Variants in AHCYL2 observed in about 807,000 individuals in gnomAD.
AHCYL2 encodes the protein S-adenosylhomocysteine hydrolase-like protein 2.
In AHCYL2, 28 loss-of-function variants were observed where a neutral mutation model predicts 81.4. That is an observed-to-expected ratio of 0.34 (90% CI 0.25 to 0.47). The LOEUF is 0.47. Among genes scored for constraint, AHCYL2 ranks in the 20% least tolerant of loss-of-function variants. AHCYL2 has a pLI of 1.00. For missense variants in AHCYL2, 551 were observed against 785.1 expected (o/e 0.70, Z 3.56); for synonymous variants, 272 against 290.2 (o/e 0.94, Z 0.64).
At chr7:129,269,036 G>A (rs1303248328) in intron 1 of AHCYL2, among the ~76,000 whole-genome samples, 1 of 151,712 alleles carries the variant, frequency 6.6e-6, no homozygotes, top group Non-Finnish European at 1.5e-5. Context: ...GCCTATTCTG[G>A]ACATTTCATA....
chr7:129,225,845 T>TC (rs1488477426), intron 1 of AHCYL2, among the ~76,000 whole-genome samples: 2 of 152,118 alleles, frequency 1.3e-5, no homozygotes, highest in African/African-American at 4.8e-5. Flanking sequence ...GATGAAAAGA[T>TC]CTTTAATACT....
chr7:129,412,904 T>C (rs1277743277), intron 11 of AHCYL2, among the ~76,000 whole-genome samples: 3 of 152,236 alleles, frequency 2.0e-5, no homozygotes, highest in East Asian at 3.9e-4. Context: ...AGTGATGCAG[T>C]CACAGCTCAC....
At chr7:129,273,804 A>T (rs979690083) in intron 1 of AHCYL2, among the ~76,000 whole-genome samples, 1 of 152,178 alleles carries the variant, frequency 6.6e-6, no homozygotes, top group African/African-American at 2.4e-5. Context: ...GAAAAGGTGG[A>T]TGTGGCTTTT....
chr7:129,410,407 A>G (rs1168905051), intron 11 of AHCYL2: 10 of 1,591,400 alleles, frequency 6.3e-6, no homozygotes, highest in Non-Finnish European at 8.6e-6. Context: ...CCAGTGAACT[A>G]TTAGCAATTC....
chr7:129,231,691 A>T (rs2718115), intron 1 of AHCYL2, among the ~76,000 whole-genome samples: 1 of 152,022 alleles, frequency 6.6e-6, no homozygotes, highest in African/African-American at 2.4e-5. Context: ...TCAGATTTCT[A>T]TGGAATTTGT....
intron 2 of AHCYL2, among the ~76,000 whole-genome samples, chr7:129,381,486 TTTTTATAAGTCAAAAA>T (rs955797492): frequency 2.0e-5 from 3 of 152,220 alleles, no homozygotes; most frequent in Non-Finnish European, 2.9e-5. Context: ...GAAATTATCA[TTTTTATAAGTCAAAAA>T]TTGTCTACCT....
intron 1 of AHCYL2, among the ~76,000 whole-genome samples, chr7:129,233,247 C>T (rs1563159867): frequency 6.6e-6 from 1 of 152,064 alleles, no homozygotes; most frequent in South Asian, 2.1e-4. Flanking sequence ...TGCAGTGGTA[C>T]AGTCACAGCT....
intron 1 of AHCYL2, among the ~76,000 whole-genome samples, chr7:129,307,111 G>A (rs1373867440): frequency 2.6e-5 from 4 of 152,222 alleles, no homozygotes; most frequent in African/African-American, 4.8e-5. Context: ...TGGCTGCTGC[G>A]TATGTTCACT....
intron 1 of AHCYL2, among the ~76,000 whole-genome samples, chr7:129,349,728 A>G (rs1289674222): frequency 6.6e-6 from 1 of 151,994 alleles, no homozygotes; most frequent in East Asian, 1.9e-4. Context: ...CACATTAGCA[A>G]TAAAGCTACC....
intron 1 of AHCYL2, among the ~76,000 whole-genome samples, chr7:129,242,578 G>A (rs1319833284): frequency 6.6e-6 from 1 of 152,084 alleles, no homozygotes; most frequent in African/African-American, 2.4e-5. Flanking sequence ...TTAGCGGGGT[G>A]TGGTGGTGTG....
Position 129,325,539 on chromosome 7 carries a change from G to A in AHCYL2, c.364-54099G>A, listed in dbSNP as rs1337981885. Among the ~76,000 whole-genome samples the A allele has an allele frequency of 2.0e-5, 3 of 151,964 alleles. No homozygotes were observed. The East Asian group carries it at 5.8e-4, about 29-fold the overall frequency. On this transcript the variant is annotated intron_variant, in intron 1 of 16. Coordinates refer to ENST00000325006, the MANE Select transcript of AHCYL2 (RefSeq NM_015328.4). ...TACCTTTGTGCTTGGGGTTTGTTGA[G>A]GCTTTTGGATTAATGGGTTTGTAGT...
intron 11 of AHCYL2, among the ~76,000 whole-genome samples, chr7:129,412,080 G>A (rs1048483489): frequency 5.9e-5 from 9 of 151,838 alleles, no homozygotes; most frequent in African/African-American, 1.5e-4. Flanking sequence ...TGGGTGTGGT[G>A]GCTCACACCT....
intron 1 of AHCYL2, among the ~76,000 whole-genome samples, chr7:129,273,073 T>C (rs1355122504): frequency 2.0e-5 from 3 of 152,096 alleles, no homozygotes; most frequent in Admixed American, 6.5e-5. Flanking sequence ...GCTGTTTTTT[T>C]GTATTTTTGG....
intron 1 of AHCYL2, among the ~76,000 whole-genome samples, chr7:129,299,623 T>C (rs1228544132): frequency 2.6e-5 from 4 of 151,896 alleles, no homozygotes; most frequent in Admixed American, 2.0e-4. Flanking sequence ...TCGATCTCCT[T>C]ACCTCGTGAT....
At chr7:129,353,685 C>T (rs541507578) in intron 1 of AHCYL2, among the ~76,000 whole-genome samples, 7 of 147,320 alleles carry the variant, frequency 4.8e-5, no homozygotes, top group Non-Finnish European at 1.0e-4. Context: ...CTGTCTGGAA[C>T]TTAAGCTCAG....
intron 1 of AHCYL2, among the ~76,000 whole-genome samples, chr7:129,300,333 C>G (rs974264019): frequency 6.6e-6 from 1 of 152,142 alleles, no homozygotes; most frequent in Non-Finnish European, 1.5e-5. Context: ...ATTCTACTCT[C>G]TATCTCCATG....
At chr7:129,332,720 C>CT (rs560001065) in intron 1 of AHCYL2, among the ~76,000 whole-genome samples, 105 of 152,282 alleles carry the variant, frequency 6.9e-4, no homozygotes, top group African/African-American at 2.4e-3. Flanking sequence ...AAATAGCTCT[C>CT]TTTTTTGCCT....
At chr7:129,359,809 A>C (rs571536578) in intron 1 of AHCYL2, among the ~76,000 whole-genome samples, 2 of 152,112 alleles carry the variant, frequency 1.3e-5, no homozygotes, top group Non-Finnish European at 2.9e-5. Flanking sequence ...TTAAGTCCAT[A>C]CTCCACTCCT....
chr7:129,267,570 G>A (rs1795860396), intron 1 of AHCYL2, among the ~76,000 whole-genome samples: 1 of 152,130 alleles, frequency 6.6e-6, no homozygotes, highest in African/African-American at 2.4e-5. Flanking sequence ...CTCCAAAGGT[G>A]CTGGGATTAG....
Sources: allele counts gnomAD v4.1 joint callset (sites outside exome capture counted in the v4.1 genomes callset), GRCh38; gene constraint gnomAD v4.1.1; transcripts MANE v1.5; gene names NCBI Gene and HGNC (gene_info 2026-07-23, HGNC 2026-07-21).